The following SLC25A18 variants were observed in gnomAD, a reference collection of about 807,000 sequenced individuals.
SLC25A18 encodes mitochondrial glutamate carrier 2.
A neutral mutation model predicts 31.1 loss-of-function variants in SLC25A18; 24 were observed. The ratio of observed to expected loss-of-function variants is 0.77; its 90% confidence interval spans 0.56 to 1.08. The LOEUF (loss-of-function observed/expected upper bound fraction) is 1.08, where lower values mean the gene tolerates loss of function less well. Ranked by LOEUF, SLC25A18 falls within the 50% of genes least tolerant of loss-of-function variation. SLC25A18 has a pLI of 0.00. For missense variants in SLC25A18, 371 were observed against 418.5 expected (o/e 0.89, Z 0.99); for synonymous variants, 173 against 161.9 (o/e 1.07, Z -0.52).
At chr22:17,580,977 C>G in intron 3 of SLC25A18, 60 bp from the exon 4 acceptor site, 1 of 1,493,760 alleles carries the variant, frequency 6.7e-7, no homozygotes. Context: ...TGGCTGCATC[C>G]GCTCCCTAAC....
intron 2 of SLC25A18, among the ~76,000 whole-genome samples, chr22:17,575,718 G>C (rs561671813): frequency 6.6e-6 from 1 of 152,290 alleles, no homozygotes; most frequent in African/African-American, 2.4e-5. Flanking sequence ...GTCCTAGAAT[G>C]GGGTATGCTC....
At chr22:17,577,264 C>T (rs543786944) in intron 2 of SLC25A18, among the ~76,000 whole-genome samples, 6 of 152,188 alleles carry the variant, frequency 3.9e-5, no homozygotes, top group East Asian at 1.9e-4. Flanking sequence ...CCCTGTGATC[C>T]GCCCGCCTCA....
At chr22:17,589,563 A>G (rs2057657731) in intron 9 of SLC25A18, 27 bp from the exon 10 acceptor site, 2 of 1,534,068 alleles carry the variant, frequency 1.3e-6, no homozygotes, top group East Asian at 2.2e-5. Flanking sequence ...GCTGTTCACT[A>G]CTTACTTTAA....
intron 7 of SLC25A18, chr22:17,585,485 TG>T (rs1428208524): frequency 6.6e-6 from 1 of 152,088 alleles, no homozygotes; most frequent in Non-Finnish European, 1.5e-5. Context: ...GACATGACAT[TG>T]GGAATAGCTT....
intron 7 of SLC25A18, chr22:17,585,202 C>G (rs189041412): frequency 5.3e-5 from 8 of 152,136 alleles, no homozygotes; most frequent in Admixed American, 5.2e-4. Flanking sequence ...ACCAGCCTGG[C>G]AAACATGGCG....
chr22:17,572,672 C>T (rs113857607), intron 2 of SLC25A18, among the ~76,000 whole-genome samples: 39,424 of 111,802 alleles, frequency 0.35, 7,362 homozygotes, highest in African/African-American at 0.39. Flanking sequence ...GACGGAGTCT[C>T]GCTTTGTCGC....
Position 17,590,357 on chromosome 22 carries a change from T to TACC in SLC25A18, c.*122_*124dup. On this transcript the variant is annotated 3_prime_UTR_variant, in exon 11 of 11. Coordinates refer to ENST00000327451, the MANE Select transcript of SLC25A18 (RefSeq NM_031481.3). ...TGCCTGGTCCTCTGCGTTGTAGTGC[T>TACC]ACCTCAATCTCGGGAGAAACAGCCC... 8.3e-7 allele frequency: 1 copy of TACC among 1,201,490 alleles called. No homozygotes were observed. The highest frequency in any genetic ancestry group is 2.4e-5 in the East Asian group (1 of 42,494). The allele number at this position is 1,201,490 out of a possible 1,614,324, so 74.4% of individuals were successfully genotyped here.
intron 2 of SLC25A18, among the ~76,000 whole-genome samples, chr22:17,574,815 C>CT (rs1215511487): frequency 1.3e-4 from 13 of 102,698 alleles, no homozygotes; most frequent in African/African-American, 5.3e-4. Flanking sequence ...GCCACTGTGC[C>CT]TGGCCAATGT....
At chr22:17,580,587 C>T in intron 3 of SLC25A18, 1 of 993,084 alleles carries the variant, frequency 1.0e-6, no homozygotes, top group South Asian at 4.6e-5. Flanking sequence ...TCCTCAGCAA[C>T]CCTGGAGTGA....
Position 17,573,070 on chromosome 22 carries a change from G to A in SLC25A18, c.-201+3084G>A, listed in dbSNP as rs190717764. On this transcript the variant is annotated intron_variant, in intron 2 of 10. Transcript: ENST00000327451. ...TGAGGCTGCAGTGAGCCAAGATCACGCCACTGCACTCTAGCCTGGGCAACA... is the reference window on the plus strand; with the variant it reads ...TGAGGCTGCAGTGAGCCAAGATCACACCACTGCACTCTAGCCTGGGCAACA... Among the ~76,000 whole-genome samples the A allele has an allele frequency of 6.6e-4, 100 of 152,214 alleles. 1 individual carries two copies. Among genetic ancestry groups the A allele is most frequent in the African/African-American group, 2.3e-3 (97 of 41,552 alleles).
At chr22:17,585,632 T>TTTATTATTATTA (rs1321633226) in intron 7 of SLC25A18, among the ~76,000 whole-genome samples, 4 of 140,902 alleles carry the variant, frequency 2.8e-5, no homozygotes, top group African/African-American at 1.1e-4. Flanking sequence ...TATTATTTAT[T>TTTATTATTATTA]TTATTATTAT....
chr22:17,570,516 A>C (rs1196275330), intron 2 of SLC25A18: 1 of 152,056 alleles, frequency 6.6e-6, no homozygotes, highest in Non-Finnish European at 1.5e-5. Flanking sequence ...AGACAGTTTT[A>C]CTCTGTCGCC....
rs771359748 is a variant in SLC25A18 at position 17,590,282 on chromosome 22, C to T, written c.*46C>T. 3 of 1,612,302 alleles carry T rather than the reference C, an allele frequency of 1.9e-6. No homozygotes were observed. The South Asian group carries it at 3.3e-5, about 18-fold the overall frequency. ...CCTGCGCTTGCCGCCCTCTCTCTAGCTGTTTCACTTAGCCTAGAGGGGGCA... is the reference window on the plus strand; with the variant it reads ...CCTGCGCTTGCCGCCCTCTCTCTAGTTGTTTCACTTAGCCTAGAGGGGGCA... On this transcript the variant is annotated 3_prime_UTR_variant, in exon 11 of 11. Transcript: ENST00000327451.
In SLC25A18 at chr22:17,587,141, C is replaced by T; in HGVS notation, c.415C>T (p.His139Tyr). 3.1e-6 allele frequency: 5 copies of T among 1,613,814 alleles called. No individual in the cohort carries two copies. The Admixed American group carries it at 8.3e-5, about 27-fold the overall frequency. Residue 139 changes from histidine (H) to tyrosine (Y), a missense_variant, in exon 8 of 11, where the codon CAT (histidine) becomes TAT (tyrosine). Coordinates refer to ENST00000327451, the MANE Select transcript of SLC25A18 (RefSeq NM_031481.3). Reference protein sequence around the residue: ...QLQDAGRLAVHHQGSASAPST... With the variant: ...QLQDAGRLAVYHQGSASAPST... ...GTCTGTCCTTTCCCTTCCAGCCGTCCATCATCAGGGCTCGGCCTCAGCACC... is the reference window on the plus strand; with the variant it reads ...GTCTGTCCTTTCCCTTCCAGCCGTCTATCATCAGGGCTCGGCCTCAGCACC...
At chr22:17,581,437 A>C in intron 5 of SLC25A18, 24 bp downstream of exon 5, 2 of 1,613,492 alleles carry the variant, frequency 1.2e-6, no homozygotes, top group African/African-American at 2.7e-5. Context: ...GTCCCCTGGG[A>C]GGCTGGGCAG....
chr22:17,566,270 G>T (rs2056934220), intron 1 of SLC25A18, among the ~76,000 whole-genome samples: 1 of 152,142 alleles, frequency 6.6e-6, no homozygotes, highest in Non-Finnish European at 1.5e-5. Flanking sequence ...AACACTCTCA[G>T]TGGGGGGATA....
rs536718082 is a variant in SLC25A18 at position 17,587,034 on chromosome 22, G to A, written c.410-102G>A. On this transcript the variant is annotated intron_variant, in intron 7 of 10. Transcript: ENST00000327451. ...GGATGCCAGCTGAGGTGTCAGCCTG[G>A]CCTCTGAACTGTCCCAGGGGCAGGG... is the stretch of plus-strand genomic sequence containing the variant. 3.3e-5 allele frequency: 43 copies of A among 1,310,032 alleles called. No individual in the cohort carries two copies. The African/African-American group carries it at 6.1e-4, about 19-fold the overall frequency. The allele number at this position is 1,310,032 out of a possible 1,614,324, so 81.2% of individuals were successfully genotyped here. A position where few individuals can be genotyped will look rare whatever the true frequency, so the allele number is the denominator to read the frequency against.
intron 7 of SLC25A18, among the ~76,000 whole-genome samples, chr22:17,584,378 G>A (rs2057462714): frequency 8.0e-6 from 1 of 125,702 alleles, no homozygotes; most frequent in Non-Finnish European, 1.8e-5. Flanking sequence ...GGGAGACAGA[G>A]CAAGACTCCA....
intron 5 of SLC25A18, 188 bp downstream of exon 5, chr22:17,581,601 A>T (rs910477085): frequency 1.6e-6 from 1 of 613,626 alleles, no homozygotes; most frequent in African/African-American, 1.9e-5. Flanking sequence ...CCGGAGACCC[A>T]CAGAGCACAC....
Sources: gnomAD v4.1 joint callset for allele counts (sites outside exome capture counted in the v4.1 genomes callset) on GRCh38, gnomAD v4.1.1 for gene constraint, MANE v1.5 for transcripts, NCBI Gene and HGNC (gene_info 2026-07-23, HGNC 2026-07-21) for gene names.